Variants in PLXNA4 observed in about 807,000 individuals in gnomAD.
The protein encoded by PLXNA4 is plexin-A4.
PLXNA4 carries 44 observed loss-of-function variants against 191.8 expected under a neutral mutation model. That is an observed-to-expected ratio of 0.23 (90% CI 0.18 to 0.29). The LOEUF (loss-of-function observed/expected upper bound fraction) is 0.29. Ranked by LOEUF, PLXNA4 falls within the 10% of genes least tolerant of loss-of-function variation. The pLI is 1.00. For synonymous variants in PLXNA4, 1,082 were observed against 1,009.5 expected, an observed-to-expected ratio of 1.07 and a Z score of -1.36; for missense variants, 1,800 against 2,488.8, an observed-to-expected ratio of 0.72 and a Z score of 5.89.
At chr7:132,132,317 A>G (rs1794951907) in intron 31 of PLXNA4, among the ~76,000 whole-genome samples, 1 of 152,136 alleles carries the variant, frequency 6.6e-6, no homozygotes, top group African/African-American at 2.4e-5. Flanking sequence ...GGCCTTGTAT[A>G]TAGTGGCAAT....
upstream of PLXNA4, among the ~76,000 whole-genome samples, chr7:132,580,068 C>G (rs1802373775): frequency 6.6e-6 from 1 of 152,170 alleles, no homozygotes; most frequent in African/African-American, 2.4e-5. Flanking sequence ...TCTCACCTGA[C>G]ACATTCGCCC....
intron 4 of PLXNA4, among the ~76,000 whole-genome samples, chr7:132,245,908 T>G (rs1247641342): frequency 6.6e-6 from 1 of 152,180 alleles, no homozygotes; most frequent in South Asian, 2.1e-4. Context: ...CAGAAAGTAG[T>G]ACGGTGGTTG....
At chr7:132,137,192 G>A (rs1377033898) in intron 30 of PLXNA4, among the ~76,000 whole-genome samples, 1 of 152,174 alleles carries the variant, frequency 6.6e-6, no homozygotes, top group Non-Finnish European at 1.5e-5. Context: ...GGTTTCCATA[G>A]GAGGCATATT....
chr7:132,134,439 A>G (rs541296954), intron 30 of PLXNA4, among the ~76,000 whole-genome samples: 2 of 152,290 alleles, frequency 1.3e-5, no homozygotes, highest in South Asian at 2.1e-4. Context: ...TGACAGTTCA[A>G]TTTGCACCAG....
intron 9 of PLXNA4, among the ~76,000 whole-genome samples, chr7:132,219,948 C>T (rs1025520801): frequency 2.0e-5 from 3 of 152,172 alleles, no homozygotes; most frequent in African/African-American, 4.8e-5. Context: ...CAGTAAGCTA[C>T]AGCACATAGG....
intron 4 of PLXNA4, among the ~76,000 whole-genome samples, chr7:132,255,099 T>C: frequency 6.6e-6 from 1 of 152,292 alleles, no homozygotes; most frequent in East Asian, 1.9e-4. Context: ...CCATTGCCTA[T>C]GACAGACAAG....
chr7:132,541,467 G>A (rs1163344011), intron 1 of PLXNA4, among the ~76,000 whole-genome samples: 1 of 152,224 alleles, frequency 6.6e-6, no homozygotes, highest in Admixed American at 6.5e-5. Flanking sequence ...TGTGATCTTT[G>A]GATGCTGATG....
intron 3 of PLXNA4, among the ~76,000 whole-genome samples, chr7:132,361,955 C>T (rs541378867): frequency 5.3e-5 from 8 of 152,252 alleles, no homozygotes; most frequent in Non-Finnish European, 1.0e-4. Context: ...CTTTTCTTTC[C>T]TTCACTTCCA....
At chr7:132,527,364 T>C (rs1184490210) in intron 1 of PLXNA4, among the ~76,000 whole-genome samples, 1 of 151,990 alleles carries the variant, frequency 6.6e-6, no homozygotes, top group Non-Finnish European at 1.5e-5. Context: ...CTCTCCCAGA[T>C]ACCCAACTGC....
intron 1 of PLXNA4, among the ~76,000 whole-genome samples, chr7:132,538,829 C>A (rs1863506): frequency 0.051 from 7,720 of 152,246 alleles, 642 homozygotes; most frequent in African/African-American, 0.17. Flanking sequence ...TTGTTCCCCT[C>A]CTAACATCCT....
intron 3 of PLXNA4, among the ~76,000 whole-genome samples, chr7:132,476,669 G>T (rs188610968): frequency 1.3e-5 from 2 of 152,294 alleles, no homozygotes; most frequent in East Asian, 1.9e-4. Flanking sequence ...CCCATGGTTG[G>T]CAAGGGGGGT....
chr7:132,187,279 T>C (rs1796911194), intron 15 of PLXNA4, among the ~76,000 whole-genome samples, 192 bp downstream of exon 15: 1 of 152,222 alleles, frequency 6.6e-6, no homozygotes, highest in Non-Finnish European at 1.5e-5. Flanking sequence ...CAGCTCTGTA[T>C]TGATTAAATT....
chr7:132,453,657 T>C (rs770711222), intron 3 of PLXNA4, among the ~76,000 whole-genome samples: 16 of 152,040 alleles, frequency 1.1e-4, no homozygotes, highest in Admixed American at 4.6e-4. Flanking sequence ...TTATCCTGCC[T>C]CAGCCTCCCG....
At chr7:132,595,311 C>T (rs142534623) in intron 2 of PLXNA4, among the ~76,000 whole-genome samples, 115 of 152,236 alleles carry the variant, frequency 7.6e-4, no homozygotes, top group African/African-American at 2.6e-3. Context: ...ATGGTATCCC[C>T]AATATTGGAG....
intron 3 of PLXNA4, among the ~76,000 whole-genome samples, chr7:132,340,409 C>T (rs1038698673): frequency 6.6e-6 from 1 of 152,178 alleles, no homozygotes; most frequent in African/African-American, 2.4e-5. Context: ...GCAAGGCTTC[C>T]AAGGCACCTG....
chr7:132,311,020 C>A (rs1234776845), intron 3 of PLXNA4, among the ~76,000 whole-genome samples: 3 of 152,160 alleles, frequency 2.0e-5, no homozygotes, highest in Non-Finnish European at 4.4e-5. Context: ...TGACTTCTGG[C>A]AGAAATGATG....
chr7:132,555,119 C>T (rs559346003), intron 1 of PLXNA4, among the ~76,000 whole-genome samples: 2 of 150,188 alleles, frequency 1.3e-5, no homozygotes, highest in Non-Finnish European at 2.9e-5. Flanking sequence ...TAAGATATCA[C>T]TCCAGGTCCT....
intron 9 of PLXNA4, among the ~76,000 whole-genome samples, chr7:132,212,201 T>A (rs1797825919): frequency 6.6e-6 from 1 of 152,138 alleles, no homozygotes; most frequent in Admixed American, 6.5e-5. Context: ...ATGACGCACG[T>A]GTTCTTTCTG....
At chr7:132,517,444 C>T (rs1327571719) in intron 1 of PLXNA4, among the ~76,000 whole-genome samples, 1 of 152,210 alleles carries the variant, frequency 6.6e-6, no homozygotes, top group African/African-American at 2.4e-5. Context: ...CCACCAGGAA[C>T]ATCAGACAAG....
Sources: allele counts gnomAD v4.1 joint callset (sites outside exome capture counted in the v4.1 genomes callset), GRCh38; gene constraint gnomAD v4.1.1; transcripts MANE v1.5; gene names NCBI Gene and HGNC (gene_info 2026-07-23, HGNC 2026-07-21).